HIVEP2: variants seen among roughly 807,000 people sequenced by gnomAD.
HIVEP2 encodes the protein HIVEP zinc finger 2.
HIVEP2 carries 14 observed loss-of-function variants against 180.7 expected under a neutral mutation model. The ratio of observed to expected loss-of-function variants is 0.08; its 90% CI spans 0.05 to 0.12. HIVEP2 has a LOEUF of 0.12. Ranked by LOEUF, HIVEP2 falls within the 10% of genes least tolerant of loss-of-function variation. The pLI is 1.00. For synonymous variants in HIVEP2, 1,184 were observed against 1,136.4 expected, an observed-to-expected ratio of 1.04 and a Z score of -0.84; for missense variants, 2,579 against 3,008.5, an observed-to-expected ratio of 0.86 and a Z score of 3.34.
In HIVEP2 at chr6:142,760,053, T is replaced by G; in HGVS notation, c.6235A>C (p.Arg2079=). 6.2e-7 allele frequency: 1 copy of G among 1,614,072 alleles called. No individual in the cohort carries two copies. Among genetic ancestry groups the G allele is most frequent in the Non-Finnish European group, 8.5e-7 (1 of 1,179,922 alleles). ...DLSPRRHLSP[R]RDLSPMRHLS... is the part of the protein sequence containing the mutation. ...TGTCTCATGGGTGACAGATCTCTCC[T>G]AGGTGATAAATGTCTCCTGGGAGAT... is the stretch of plus-strand genomic sequence containing the variant. Residue 2079 remains arginine (R), a synonymous_variant, in exon 9 of 10, where the codon AGG becomes CGG. Transcript: ENST00000367603.
At chr6:142,896,188 T>A (rs1582949008) in intron 1 of HIVEP2, among the ~76,000 whole-genome samples, 1 of 152,304 alleles carries the variant, frequency 6.6e-6, no homozygotes, top group Non-Finnish European at 1.5e-5. Context: ...GTCAATTGTG[T>A]CACATCACCT....
intron 1 of HIVEP2, among the ~76,000 whole-genome samples, chr6:142,848,722 C>A (rs1209798571): frequency 2.7e-5 from 4 of 146,718 alleles, no homozygotes. Flanking sequence ...AACACTGTCT[C>A]AAAAAAAAAA....
intron 2 of HIVEP2, among the ~76,000 whole-genome samples, chr6:142,799,315 T>C: frequency 6.6e-6 from 1 of 152,146 alleles, no homozygotes; most frequent in East Asian, 1.9e-4. Flanking sequence ...TTTTGGCTTG[T>C]CAGTGGGAAA....
chr6:142,900,543 T>A (rs1777110610), intron 1 of HIVEP2, among the ~76,000 whole-genome samples: 1 of 152,178 alleles, frequency 6.6e-6, no homozygotes, highest in Non-Finnish European at 1.5e-5. Flanking sequence ...CAGCTCTCCC[T>A]GGAATAAGAC....
chr6:142,798,316 G>T (rs993812194), intron 2 of HIVEP2, among the ~76,000 whole-genome samples: 1 of 152,046 alleles, frequency 6.6e-6, no homozygotes, highest in Non-Finnish European at 1.5e-5. Context: ...GCTCCTCAAG[G>T]CTTCACAGAT....
chr6:142,755,547 A>G (rs1372950266), intron 9 of HIVEP2, among the ~76,000 whole-genome samples: 1 of 152,190 alleles, frequency 6.6e-6, no homozygotes, highest in African/African-American at 2.4e-5. Context: ...CTGCTATTCC[A>G]TGACCTCCAT....
rs34502731 is a variant in HIVEP2, at chr6:142,771,598, C to T, written c.3141G>A (p.Arg1047=). 1.3e-4 allele frequency: 208 copies of T among 1,614,032 alleles called. No homozygotes were observed. Among genetic ancestry groups the T allele is most frequent in the Non-Finnish European group, 1.1e-5 (13 of 1,180,036 alleles). ...CPHPAEVPEV[R]SKSFDYGNLS... is the part of the protein sequence containing the mutation. ...GATTCCCATAATCAAATGATTTGCT[C>T]CGAACTTCTGGGACTTCCGCTGGGT... Residue 1047 remains arginine, a synonymous_variant, in exon 5 of 10, where the codon CGG becomes CGA. Transcript: ENST00000367603. The surrounding 1 kb of genome is among the most constrained non-coding windows in gnomAD (Gnocchi z 5.4).
At chr6:142,781,780 G>T (rs1238120038) in intron 3 of HIVEP2, among the ~76,000 whole-genome samples, 2 of 152,008 alleles carry the variant, frequency 1.3e-5, no homozygotes, top group African/African-American at 4.8e-5. Context: ...CCCCAGACAG[G>T]GTCCCAAAGG....
chr6:142,869,351 T>G (rs1399885168), intron 1 of HIVEP2, among the ~76,000 whole-genome samples: 1 of 152,186 alleles, frequency 6.6e-6, no homozygotes, highest in Non-Finnish European at 1.5e-5. Flanking sequence ...AATCAAAATT[T>G]TATTCCATAA....
chr6:142,753,938 A>G lies in HIVEP2; in HGVS notation c.6517-7T>C. 6.9e-7 allele frequency: 1 copy of G among 1,449,370 alleles called. No individual in the cohort carries two copies. The highest frequency in any genetic ancestry group is 9.5e-7 in the Non-Finnish European group (1 of 1,054,414). The allele number at this position is 1,449,370 out of a possible 1,614,324, so 89.8% of individuals were successfully genotyped here. ...GTAATCCTCTTCTTAAATTCTGCGC[A>G]GAGAAACAAAGAGAGCACAAAATTC... On this transcript the variant is annotated splice_polypyrimidine_tract_variant and splice_region_variant and intron_variant, in intron 9 of 9. Transcript: ENST00000367603.
intron 1 of HIVEP2, among the ~76,000 whole-genome samples, chr6:142,882,888 TTAGTGA>T (rs1416939665): frequency 9.2e-5 from 14 of 152,132 alleles, no homozygotes; most frequent in African/African-American, 3.4e-4. Context: ...AATAGGAAGC[TTAGTGA>T]AAGGACCACA....
intron 3 of HIVEP2, among the ~76,000 whole-genome samples, chr6:142,779,768 A>G (rs1562513636): frequency 6.6e-6 from 1 of 152,232 alleles, no homozygotes; most frequent in Non-Finnish European, 1.5e-5. Context: ...ATACCTTTAT[A>G]AATCAGACAT....
intron 1 of HIVEP2, among the ~76,000 whole-genome samples, chr6:142,846,639 C>A (rs1486009702): frequency 2.0e-5 from 3 of 152,226 alleles, no homozygotes; most frequent in Non-Finnish European, 2.9e-5. Flanking sequence ...TAAGGTGAAG[C>A]ATGAACCTCT....
At chr6:142,916,131 C>T (rs371938951) in intron 1 of HIVEP2, among the ~76,000 whole-genome samples, 1 of 152,196 alleles carries the variant, frequency 6.6e-6, no homozygotes, top group Admixed American at 6.5e-5. Context: ...TCCACCTCTA[C>T]CTCTTTAATT....
rs756774166 is a variant in HIVEP2 at position 142,769,639 on chromosome 6, G to A, written c.5100C>T (p.Ile1700=). 8.1e-6 allele frequency: 13 copies of A among 1,614,170 alleles called. No individual in the cohort carries two copies. Among genetic ancestry groups the A allele is most frequent in the Non-Finnish European group, 1.1e-5 (13 of 1,180,022 alleles). ...CAGCCAGAGTATAAATTTCTGCAGT[G>A]ATTTTTTGCTTGGACCTCAGAAGAG... ...TLALLRSKQK[I]TAEIYTLAAM... is the part of the protein sequence containing the mutation. Residue 1700 remains isoleucine, a synonymous_variant, in exon 5 of 10, where the codon ATC becomes ATT. Coordinates refer to ENST00000367603, the MANE Select transcript of HIVEP2 (RefSeq NM_006734.4).
At chr6:142,912,752 T>C (rs1256139231) in intron 1 of HIVEP2, among the ~76,000 whole-genome samples, 1 of 152,206 alleles carries the variant, frequency 6.6e-6, no homozygotes, top group African/African-American at 2.4e-5. Flanking sequence ...TGATCTGAGG[T>C]GGAACTGTTT....
intron 1 of HIVEP2, among the ~76,000 whole-genome samples, chr6:142,842,423 T>C (rs1775387949): frequency 6.6e-6 from 1 of 152,070 alleles, no homozygotes; most frequent in Non-Finnish European, 1.5e-5. Flanking sequence ...TGAAGAATTC[T>C]AGACTCTGTA....
chr6:142,771,001 A>G lies in HIVEP2; in HGVS notation c.3738T>C (p.Ser1246=). ...AGCTCGAATGGATTTCTGTCTGAAA[A>G]GAGGGCTTGCCATAGCTCTTCTGAG... The part of the protein sequence containing the change: ...QHPQKSYGKP[S]FQTEIHSSYP... The change falls in exon 5 of 10, where the codon TCT becomes TCC. Residue 1246 remains serine (S), a synonymous_variant. Coordinates refer to ENST00000367603, the MANE Select transcript of HIVEP2 (RefSeq NM_006734.4). This position sits in a 1 kb window ranked among gnomAD's most constrained non-coding sequence, Gnocchi z 5.4. 6.2e-7 allele frequency: 1 copy of G among 1,614,194 alleles called. No individual in the cohort carries two copies. Among genetic ancestry groups the G allele is most frequent in the Non-Finnish European group, 8.5e-7 (1 of 1,180,038 alleles).
At chr6:142,758,178 A>G (rs1432221620) in intron 9 of HIVEP2, among the ~76,000 whole-genome samples, 2 of 152,216 alleles carry the variant, frequency 1.3e-5, no homozygotes, top group Non-Finnish European at 2.9e-5. Flanking sequence ...TTGCTAAGGC[A>G]CCAAAACCTG....
Sources: gnomAD v4.1 joint callset for allele counts (sites outside exome capture counted in the v4.1 genomes callset) on GRCh38, gnomAD v4.1.1 for gene constraint, Gnocchi (gnomAD v3.1) non-coding constraint, MANE v1.5 for transcripts, NCBI Gene and HGNC (gene_info 2026-07-23, HGNC 2026-07-21) for gene names.